The following MACROD2 variants were observed in gnomAD, a reference collection of about 807,000 sequenced individuals.
The protein encoded by MACROD2 is ADP-ribose glycohydrolase MACROD2.
MACROD2 carries 36 observed loss-of-function variants against 70.4 expected under a neutral mutation model. The observed-to-expected ratio is 0.51, with a 90% CI of 0.39 to 0.68. The LOEUF (loss-of-function observed/expected upper bound fraction) is 0.68. Among genes scored for constraint, MACROD2 ranks in the 30% least tolerant of loss-of-function variants. MACROD2 has a pLI of 0.00. For missense variants in MACROD2, 496 were observed against 538.4 expected, an observed-to-expected ratio of 0.92 and a Z score of 0.78; for synonymous variants, 172 against 178.8, an observed-to-expected ratio of 0.96 and a Z score of 0.30.
At chr20:14,277,277 G>A (rs1381559767) in intron 3 of MACROD2, among the ~76,000 whole-genome samples, 7 of 152,032 alleles carry the variant, frequency 4.6e-5, no homozygotes, top group African/African-American at 1.4e-4. Flanking sequence ...GTGAAACCCC[G>A]TCTCTACTAA....
chr20:14,725,747 C>A (rs905557510), intron 5 of MACROD2, among the ~76,000 whole-genome samples: 1 of 152,106 alleles, frequency 6.6e-6, no homozygotes, highest in African/African-American at 2.4e-5. Context: ...TCAGAGTAGC[C>A]GCCCCAGAGG....
At chr20:15,083,510 A>G (rs2075720903) in intron 5 of MACROD2, among the ~76,000 whole-genome samples, 1 of 152,166 alleles carries the variant, frequency 6.6e-6, no homozygotes. Flanking sequence ...CATCTTGTCA[A>G]CTAGCAGTTT....
At chr20:15,848,546 C>T (rs1475103243) in intron 8 of MACROD2, among the ~76,000 whole-genome samples, 4 of 152,150 alleles carry the variant, frequency 2.6e-5, no homozygotes, top group African/African-American at 9.7e-5. Flanking sequence ...CCGAGGGAGA[C>T]TTAATAGCCC....
chr20:14,623,849 A>T (rs1360239590), intron 4 of MACROD2, among the ~76,000 whole-genome samples: 1 of 152,236 alleles, frequency 6.6e-6, no homozygotes, highest in African/African-American at 2.4e-5. Flanking sequence ...GAGGGCTATC[A>T]CAAACTCAAC....
intron 5 of MACROD2, among the ~76,000 whole-genome samples, chr20:14,800,229 G>C (rs899770687): frequency 6.6e-6 from 1 of 151,892 alleles, no homozygotes; most frequent in Non-Finnish European, 1.5e-5. Context: ...AACTTTAAAG[G>C]AGAGAACAAA....
chr20:14,890,420 C>G (rs968234109), intron 5 of MACROD2, among the ~76,000 whole-genome samples: 2 of 151,984 alleles, frequency 1.3e-5, no homozygotes, highest in African/African-American at 2.4e-5. Flanking sequence ...AGAGAAGATG[C>G]TATCTTGGTG....
chr20:14,223,978 C>T (rs1050665972), intron 3 of MACROD2, among the ~76,000 whole-genome samples: 4 of 152,096 alleles, frequency 2.6e-5, no homozygotes, highest in African/African-American at 4.8e-5. Context: ...AGTTTTAGTC[C>T]GAAGGTGATC....
intron 15 of MACROD2, among the ~76,000 whole-genome samples, chr20:16,020,045 T>G (rs994490574): frequency 1.3e-5 from 2 of 152,186 alleles, no homozygotes; most frequent in Admixed American, 6.5e-5. Flanking sequence ...CTGTTCCCCT[T>G]AAATTCATTC....
intron 5 of MACROD2, among the ~76,000 whole-genome samples, chr20:14,880,665 C>T (rs1600760995): frequency 6.6e-6 from 1 of 152,230 alleles, no homozygotes; most frequent in East Asian, 1.9e-4. Context: ...AAACACCCTT[C>T]AGCTGCAGTC....
In MACROD2 at chr20:16,051,867, G is replaced by A. The variant is rs1045083640; in HGVS notation, c.*1991G>A. The A allele has an allele frequency of 6.6e-6, 1 of 152,178 alleles. No individual in the cohort carries two copies. Among genetic ancestry groups the A allele is most frequent in the Non-Finnish European group, 1.5e-5 (1 of 68,036 alleles). The allele number at this position is 152,178 out of a possible 1,614,324, so 9.4% of individuals were successfully genotyped here. A position where few individuals can be genotyped will look rare whatever the true frequency, so the allele number is the denominator to read the frequency against. On this transcript the variant is annotated 3_prime_UTR_variant, in exon 18 of 18. Transcript: ENST00000684519. ...GAAAAAAACATGAGGGAAACAGAGG[G>A]ACAGAGATTTTCTAATGAACAATGA... is the stretch of plus-strand genomic sequence containing the variant.
chr20:14,974,183 T>A (rs748524251), intron 5 of MACROD2, among the ~76,000 whole-genome samples: 1 of 152,148 alleles, frequency 6.6e-6, no homozygotes, highest in Non-Finnish European at 1.5e-5. Context: ...GTTGATTGGA[T>A]GTAGCGGATA....
chr20:15,889,766 T>C (rs910137162), intron 10 of MACROD2, among the ~76,000 whole-genome samples: 4 of 152,130 alleles, frequency 2.6e-5, no homozygotes, highest in Admixed American at 1.3e-4. Flanking sequence ...CAACCACCTA[T>C]GGAAACTCAA....
chr20:15,611,832 C>T (rs2048974504), intron 8 of MACROD2, among the ~76,000 whole-genome samples: 1 of 148,192 alleles, frequency 6.7e-6, no homozygotes, highest in Non-Finnish European at 1.5e-5. Context: ...GTCTATAAGG[C>T]TCCGAGCAAA....
chr20:15,778,440 C>T (rs957088070), intron 8 of MACROD2, among the ~76,000 whole-genome samples: 2 of 151,936 alleles, frequency 1.3e-5, no homozygotes, highest in Non-Finnish European at 2.9e-5. Context: ...TATTCATAAG[C>T]GACACATAAT....
At chr20:14,836,167 A>AT (rs1356309083) in intron 5 of MACROD2, among the ~76,000 whole-genome samples, 3 of 152,104 alleles carry the variant, frequency 2.0e-5, no homozygotes, top group African/African-American at 7.2e-5. Context: ...CTCAAAAAAA[A>AT]TTTTGGAAAA....
Position 15,066,463 on chromosome 20 carries a change from C to T in MACROD2, c.419-163477C>T, listed in dbSNP as rs760558318. On this transcript the variant is annotated intron_variant, in intron 5 of 17. Transcript: ENST00000684519. ...AGAGCTGCTGCTTAAGACCTAAGCT[C>T]AGAATAGGCCCAATGTTACTGTTGC... Among the ~76,000 whole-genome samples, 63 of 152,038 alleles carry T rather than the reference C, an allele frequency of 4.1e-4. 2 individuals carry two copies. Among genetic ancestry groups the T allele is most frequent in the Admixed American group, 2.6e-3 (40 of 15,262 alleles).
chr20:15,801,600 A>G (rs1208003724), intron 8 of MACROD2, among the ~76,000 whole-genome samples: 1 of 151,976 alleles, frequency 6.6e-6, no homozygotes, highest in Non-Finnish European at 1.5e-5. Context: ...TTGGGTTACT[A>G]TAGGTTTGTA....
chr20:14,789,473 T>C (rs1345623709), intron 5 of MACROD2, among the ~76,000 whole-genome samples: 25 of 120,288 alleles, frequency 2.1e-4, no homozygotes, highest in East Asian at 6.9e-4. Flanking sequence ...TTTTTTTTTT[T>C]TTTTTTTTTT....
chr20:14,214,057 G>A (rs2081593399), intron 3 of MACROD2, among the ~76,000 whole-genome samples: 1 of 152,208 alleles, frequency 6.6e-6, no homozygotes, highest in Admixed American at 6.5e-5. Context: ...AAAAATTAAG[G>A]TATACATATA....
Sources: allele counts gnomAD v4.1 joint callset (sites outside exome capture counted in the v4.1 genomes callset), GRCh38; gene constraint gnomAD v4.1.1; transcripts MANE v1.5; gene names NCBI Gene and HGNC (gene_info 2026-07-23, HGNC 2026-07-21).